RNF175: variants seen among roughly 807,000 people sequenced by gnomAD.
RNF175 encodes the protein ring finger protein 175.
Under a neutral mutation model 50.0 loss-of-function variants are expected in RNF175, and 38 were observed. That is an observed-to-expected ratio of 0.76 (90% confidence interval 0.59 to 1.00). The LOEUF (loss-of-function observed/expected upper bound fraction) is 1.00. RNF175 is among the 50% of genes least tolerant of loss of function. The pLI is 0.00. For synonymous variants in RNF175, 155 were observed against 146.1 expected, an observed-to-expected ratio of 1.06 and a Z score of -0.44; for missense variants, 388 against 409.6, an observed-to-expected ratio of 0.95 and a Z score of 0.46.
intron 3 of RNF175, among the ~76,000 whole-genome samples, chr4:153,742,519 C>T (rs117774404): frequency 8.5e-5 from 13 of 152,144 alleles, no homozygotes; most frequent in Admixed American, 4.6e-4. Flanking sequence ...TGGATGCTTT[C>T]GGAGTCAACT....
Position 153,751,478 on chromosome 4 carries a change from G to A in RNF175, c.67-3C>T, listed in dbSNP as rs773849196. The stretch of plus-strand genomic sequence containing the variant: ...GCAGAAAGCTTTGTATGAGAGAGCT[G>A]AAAAACATAAAAAGGGCCCTTATCA... On this transcript the variant is annotated splice_polypyrimidine_tract_variant and splice_region_variant and intron_variant, in intron 1 of 8. Coordinates refer to ENST00000347063, the MANE Select transcript of RNF175 (RefSeq NM_173662.4). 6.4e-7 allele frequency: 1 copy of A among 1,554,520 alleles called. No homozygotes were observed. Among genetic ancestry groups the A allele is most frequent in the South Asian group, 1.2e-5 (1 of 82,106 alleles).
At position 153,728,318 on chromosome 4, in the gene RNF175, G is replaced by T; in HGVS notation, c.290C>A (p.Thr97Lys). The change falls in exon 4 of 9, where the codon ACG becomes AAG. Residue 97 changes from threonine to lysine, a missense_variant. Physicochemically the swap from Thr to Lys is moderately conservative, Grantham distance 78. Coordinates refer to ENST00000347063, the MANE Select transcript of RNF175 (RefSeq NM_173662.4). ...LQMWVVPLYF[T>K]IKLYWWRFLS... ...AAACCGCCACCAGTATAATTTTATC[G>T]TGAAATATAAGGGGACAACCCACAT... is the stretch of plus-strand genomic sequence containing the variant. The T allele has an allele frequency of 6.2e-7, 1 of 1,613,494 alleles. No individual in the cohort carries two copies. The highest frequency in any genetic ancestry group is 8.5e-7 in the Non-Finnish European group (1 of 1,179,462).
At chr4:153,725,212 G>T (rs1023369866) in intron 4 of RNF175, among the ~76,000 whole-genome samples, 2 of 152,122 alleles carry the variant, frequency 1.3e-5, no homozygotes, top group African/African-American at 4.8e-5. Context: ...GAGGCTGTGT[G>T]GCCTCAAAAG....
chr4:153,725,297 C>A (rs910406157), intron 4 of RNF175, among the ~76,000 whole-genome samples: 7 of 152,128 alleles, frequency 4.6e-5, no homozygotes, highest in Non-Finnish European at 7.4e-5. Flanking sequence ...TTTGTCAGTA[C>A]TGAGCAGTTT....
intron 3 of RNF175, among the ~76,000 whole-genome samples, chr4:153,731,656 A>C (rs1407739626): frequency 6.7e-6 from 1 of 148,214 alleles, no homozygotes; most frequent in Non-Finnish European, 1.5e-5. Context: ...AAAGAAGGAA[A>C]GAGAAAGAAA....
chr4:153,723,458 T>A lies in RNF175; in HGVS notation c.402A>T (p.Arg134=). 1 of 1,481,272 alleles carries A rather than the reference T, an allele frequency of 6.8e-7. No homozygotes were observed. Among genetic ancestry groups the A allele is most frequent in the Non-Finnish European group, 9.4e-7 (1 of 1,061,240 alleles). The allele number at this position is 1,481,272 out of a possible 1,614,324, so 91.8% of individuals were successfully genotyped here. Residue 134 remains arginine (R), a splice_region_variant and synonymous_variant, in exon 5 of 9, where the codon CGA becomes CGT. Transcript: ENST00000347063. ...TCAAAAGAAACCATTTGTAGACCAA[T>A]CTGTGGAGTGAAAAATGGGGAGAAA... ...TRKPLSGRTP[R]LVYKWFLLIY... is the part of the protein sequence containing the mutation.
At position 153,728,253 on chromosome 4, in the gene RNF175, T is replaced by C. The variant is rs1430192092; in HGVS notation, c.355A>G (p.Ile119Val). ...WGMFSVITSY[I>V]LFRATRKPLS... is the part of the protein sequence containing the mutation. ...GGTTTTCGGGTAGCTCTGAAGAGGA[T>C]GTAACTGGTAATAACGGAGAACATC... The change falls in exon 4 of 9, where the codon ATC becomes GTC. Residue 119 changes from isoleucine to valine, a missense_variant. Physicochemically the swap from Ile to Val is conservative, Grantham distance 29 (BLOSUM62 3). Coordinates refer to ENST00000347063, the MANE Select transcript of RNF175 (RefSeq NM_173662.4). The C allele has an allele frequency of 3.7e-6, 6 of 1,613,666 alleles. No homozygotes were observed. Among genetic ancestry groups the C allele is most frequent in the Admixed American group, 3.3e-5 (2 of 59,994 alleles).
At chr4:153,715,441 G>T in intron 7 of RNF175, 88 bp downstream of exon 7, 1 of 1,301,230 alleles carries the variant, frequency 7.7e-7, no homozygotes, top group Non-Finnish European at 1.1e-6. Flanking sequence ...TAAGCAAGAT[G>T]GAGGAGATGG....
intron 3 of RNF175, among the ~76,000 whole-genome samples, chr4:153,729,194 T>C (rs866593621): frequency 1.3e-5 from 2 of 152,230 alleles, no homozygotes; most frequent in African/African-American, 2.4e-5. Flanking sequence ...TTTTATGTTT[T>C]CTCGCATTCA....
intron 3 of RNF175, among the ~76,000 whole-genome samples, chr4:153,730,940 TAGTG>T (rs1196250078): frequency 6.6e-6 from 1 of 152,210 alleles, no homozygotes. Flanking sequence ...ATTTAATTAA[TAGTG>T]AGTAACAATG....
chr4:153,748,973 C>T (rs1325056430), intron 2 of RNF175, 187 bp from the exon 3 acceptor site: 4 of 578,166 alleles, frequency 6.9e-6, no homozygotes, highest in Non-Finnish European at 1.2e-5. Flanking sequence ...TGGTTTCTTC[C>T]CTTTCCCTAG....
chr4:153,726,919 A>T (rs953150617), intron 4 of RNF175, among the ~76,000 whole-genome samples: 2 of 152,256 alleles, frequency 1.3e-5, no homozygotes, highest in Non-Finnish European at 2.9e-5. Context: ...GGCATGGGAA[A>T]GAGAGCGGAC....
chr4:153,715,767 T>C (rs1257613610), intron 6 of RNF175, 105 bp from the exon 7 acceptor site: 15 of 1,228,386 alleles, frequency 1.2e-5, no homozygotes, highest in East Asian at 7.2e-5. Flanking sequence ...CCTTGGCACA[T>C]AGAATCTCCA....
chr4:153,736,759 A>T (rs1739372269), intron 3 of RNF175, among the ~76,000 whole-genome samples: 1 of 152,190 alleles, frequency 6.6e-6, no homozygotes. Context: ...TCTTTCAAAG[A>T]ATTAGCCCAC....
chr4:153,742,123 A>G (rs1040176259), intron 3 of RNF175, among the ~76,000 whole-genome samples: 1 of 152,080 alleles, frequency 6.6e-6, no homozygotes. Flanking sequence ...AAAATAAAAA[A>G]ATTAGCTAGG....
intron 5 of RNF175, among the ~76,000 whole-genome samples, chr4:153,720,912 T>A (rs968813542): frequency 6.6e-6 from 1 of 152,202 alleles, no homozygotes. Context: ...TTTCTAATGA[T>A]CTTTCCTAAC....
intron 6 of RNF175, among the ~76,000 whole-genome samples, chr4:153,717,589 G>A (rs867254598): frequency 2.0e-5 from 3 of 151,724 alleles, no homozygotes; most frequent in Non-Finnish European, 4.4e-5. Flanking sequence ...ATCTATCCAT[G>A]TATATCTATA....
At chr4:153,753,542 TTCTC>T (rs35760802) in intron 1 of RNF175, among the ~76,000 whole-genome samples, 4,255 of 147,794 alleles carry the variant, frequency 0.029, 92 homozygotes, top group Non-Finnish European at 0.041. Flanking sequence ...TTTTTATCTT[TTCTC>T]TCTCTCTCTC....
chr4:153,759,816 G>GT lies in RNF175; in HGVS notation c.46_47insA (p.Ala16AspfsTer159). ...CAGTACCTGCTCCTGCTGCGGGGGGGCCTCCAGCACCGGCGCTGCCTTCCG... is the reference window on the plus strand; with the variant it reads ...CAGTACCTGCTCCTGCTGCGGGGGGGTCCTCCAGCACCGGCGCTGCCTTCCG... On this transcript the variant is annotated frameshift_variant, in exon 1 of 9. Coordinates refer to ENST00000347063, the MANE Select transcript of RNF175 (RefSeq NM_173662.4). LOFTEE classifies it high-confidence loss of function. 1 of 1,475,640 alleles carries GT rather than the reference G, an allele frequency of 6.8e-7. No individual in the cohort carries two copies. The highest frequency in any genetic ancestry group is 2.9e-5 in the East Asian group (1 of 34,786). 91.4% of individuals were successfully genotyped at this position (1,475,640 alleles called of 1,614,324 possible). A position where few individuals can be genotyped will look rare whatever the true frequency, so the allele number is the denominator to read the frequency against.
Sources: allele counts gnomAD v4.1 joint callset (sites outside exome capture counted in the v4.1 genomes callset), GRCh38; gene constraint gnomAD v4.1.1; transcripts MANE v1.5; gene names NCBI Gene and HGNC (gene_info 2026-07-23, HGNC 2026-07-21).